Variants in FAM161B observed in about 807,000 individuals in gnomAD.
FAM161B encodes the protein protein FAM161B.
FAM161B carries 46 observed loss-of-function variants against 61.5 expected under a neutral mutation model. That is an observed-to-expected ratio of 0.75 (90% CI 0.59 to 0.96). The LOEUF (loss-of-function observed/expected upper bound fraction) is 0.96, where lower values mean the gene tolerates loss of function less well. Ranked by LOEUF, FAM161B falls within the 40% of genes least tolerant of loss-of-function variation. The pLI, the probability that FAM161B is intolerant of heterozygous loss-of-function variation, is 0.00. For synonymous variants in FAM161B, 284 were observed against 302.7 expected, an observed-to-expected ratio of 0.94 and a Z score of 0.64; for missense variants, 774 against 800.7, an observed-to-expected ratio of 0.97 and a Z score of 0.40.
intron 4 of FAM161B, among the ~76,000 whole-genome samples, 181 bp from the exon 5 acceptor site, chr14:73,941,234 C>T (rs533411635): frequency 2.6e-5 from 4 of 151,466 alleles, no homozygotes; most frequent in East Asian, 3.9e-4. Context: ...TCTCCTGCCT[C>T]AGCCTCCCAC....
At chr14:73,946,922 A>G (rs780080943) in intron 1 of FAM161B, among the ~76,000 whole-genome samples, 1 of 152,118 alleles carries the variant, frequency 6.6e-6, no homozygotes, top group Non-Finnish European at 1.5e-5. Context: ...AGAGTACCTC[A>G]CCTACACCAG....
chr14:73,948,063 T>A (rs2056081636), intron 1 of FAM161B, among the ~76,000 whole-genome samples: 1 of 152,126 alleles, frequency 6.6e-6, no homozygotes, highest in Non-Finnish European at 1.5e-5. Context: ...TAGCTGGGAC[T>A]ACAGCACACA....
Position 73,946,614 on chromosome 14 carries a change from G to A in FAM161B, c.55-9C>T. 1.9e-6 allele frequency: 3 copies of A among 1,609,274 alleles called. No individual in the cohort carries two copies. Among genetic ancestry groups the A allele is most frequent in the Non-Finnish European group, 2.5e-6 (3 of 1,176,722 alleles). ...GACTCGGGGGGAAATATCTAAAATA[G>A]AATAGAAATAGGCTGTGGGTCAAAC... On this transcript the variant is annotated splice_polypyrimidine_tract_variant and intron_variant, in intron 1 of 8. Transcript: ENST00000286544.
intron 2 of FAM161B, among the ~76,000 whole-genome samples, chr14:73,945,984 C>T (rs1482109859): frequency 4.6e-5 from 7 of 152,090 alleles, no homozygotes; most frequent in Non-Finnish European, 1.0e-4. Flanking sequence ...TCAAGTGATC[C>T]GCCTGCCTCA....
intron 8 of FAM161B, among the ~76,000 whole-genome samples, chr14:73,935,509 A>G (rs2055964151): frequency 6.6e-6 from 1 of 150,912 alleles, no homozygotes; most frequent in Non-Finnish European, 1.5e-5. Flanking sequence ...AGCCTGGGCA[A>G]CAGAGTGAGA....
In FAM161B at chr14:73,938,023, A is replaced by G; in HGVS notation, c.1490T>C (p.Val497Ala). The G allele has an allele frequency of 6.2e-7, 1 of 1,614,186 alleles. No individual in the cohort carries two copies. The highest frequency in any genetic ancestry group is 8.5e-7 in the Non-Finnish European group (1 of 1,180,016). Reference sequence around the variant, plus strand: ...ATCCATGGCTTTTGCACGCAAGGTCACAGATTTGGACATTGCTTGAGACTT... The same window carrying G: ...ATCCATGGCTTTTGCACGCAAGGTCGCAGATTTGGACATTGCTTGAGACTT... ...KKKSQAMSKS[V>A]TLRAKAMDPH... The change falls in exon 6 of 9, where the codon GTG (valine) becomes GCG (alanine). Residue 497 changes from valine to alanine, a missense_variant. Physicochemically the swap from Val to Ala is moderately conservative, Grantham distance 64 (BLOSUM62 0). Transcript: ENST00000286544.
At chr14:73,936,114 T>C (rs1171897581) in intron 7 of FAM161B, 26 bp from the exon 8 acceptor site, 2 of 1,581,144 alleles carry the variant, frequency 1.3e-6, no homozygotes, top group East Asian at 2.3e-5. Context: ...TAATCTGTTG[T>C]AGCTGTCTTA....
At chr14:73,930,876 C>T (rs1450971437), downstream of FAM161B, among the ~76,000 whole-genome samples, 4 of 152,204 alleles carry the variant, frequency 2.6e-5, no homozygotes, top group African/African-American at 9.6e-5. Context: ...GCTGGGATTA[C>T]AGATGTGAGC....
chr14:73,949,306 T>C (rs1000426250), intron 1 of FAM161B, among the ~76,000 whole-genome samples: 1 of 152,146 alleles, frequency 6.6e-6, no homozygotes, highest in Non-Finnish European at 1.5e-5. Flanking sequence ...GGTTTCTCCA[T>C]GTTGGTCAGG....
intron 7 of FAM161B, among the ~76,000 whole-genome samples, chr14:73,937,206 A>G (rs963277926): frequency 1.3e-5 from 2 of 152,208 alleles, no homozygotes; most frequent in African/African-American, 2.4e-5. Flanking sequence ...CCACAGCTCT[A>G]GAGGCTGGGG....
chr14:73,943,458 G>A (rs892121328), intron 3 of FAM161B, among the ~76,000 whole-genome samples: 1 of 152,064 alleles, frequency 6.6e-6, no homozygotes, highest in Non-Finnish European at 1.5e-5. Flanking sequence ...ACTCGCCAAC[G>A]TGGCTTGCAA....
rs1237898133 is a variant in FAM161B at position 73,942,453 on chromosome 14, A to G, written c.1188T>C (p.Thr396=). 10 of 1,614,172 alleles carry G rather than the reference A, an allele frequency of 6.2e-6. No homozygotes were observed. Among genetic ancestry groups the G allele is most frequent in the Non-Finnish European group, 6.8e-6 (8 of 1,180,032 alleles). ...AAKRRETQEA[T]RNKPFLLRTA... ...TCCTCAGCAAGAAGGGCTTGTTGCGAGTGGCCTCTTGGGTTTCTCTTCTTT... is the reference window on the plus strand; with the variant it reads ...TCCTCAGCAAGAAGGGCTTGTTGCGGGTGGCCTCTTGGGTTTCTCTTCTTT... Residue 396 remains threonine, a synonymous_variant, in exon 4 of 9, where the codon ACT becomes ACC. Transcript: ENST00000286544.
chr14:73,932,053 T>A (rs914038161), downstream of FAM161B: 16 of 455,854 alleles, frequency 3.5e-5, no homozygotes, highest in Non-Finnish European at 5.7e-5. Flanking sequence ...AGTAAGAGAC[T>A]CTCTGCCACT....
Position 73,944,477 on chromosome 14 carries a change from G to A in FAM161B, c.783C>T (p.Phe261=), listed in dbSNP as rs747309824. 1.9e-6 allele frequency: 3 copies of A among 1,613,806 alleles called. No homozygotes were observed. The stretch of plus-strand genomic sequence containing the variant: ...CCTTTAGCTGCTCCTCCTTCTCCAG[G>A]AAGCTGAAGGGCTTCAAAGAAGAGA... ...LLLSSLKPFS[F]LEKEEQLKEA... Residue 261 remains phenylalanine (F), a synonymous_variant, in exon 3 of 9, where the codon TTC becomes TTT. Transcript: ENST00000286544.
At chr14:73,924,050 G>A in the FAM161B span, among the ~76,000 whole-genome samples, 1 of 152,120 alleles carries the variant, frequency 6.6e-6, no homozygotes, top group Admixed American at 6.6e-5. Context: ...ATTCTGCTAT[G>A]GTCATATGTC....
At chr14:73,925,393 C>T in the FAM161B span, among the ~76,000 whole-genome samples, 2 of 151,296 alleles carry the variant, frequency 1.3e-5, no homozygotes, top group Non-Finnish European at 2.9e-5. Flanking sequence ...GTCGAAGTTA[C>T]GGCTGAGAGC....
chr14:73,935,867 C>G, intron 8 of FAM161B, 82 bp downstream of exon 8: 1 of 1,429,648 alleles, frequency 7.0e-7, no homozygotes, highest in Non-Finnish European at 9.4e-7. Context: ...ATACCAGTGG[C>G]TATTCTAAAG....
downstream of FAM161B, among the ~76,000 whole-genome samples, chr14:73,929,807 A>G (rs2055884746): frequency 6.6e-6 from 1 of 150,716 alleles, no homozygotes; most frequent in African/African-American, 2.5e-5. Flanking sequence ...ACAGAGCCAA[A>G]CTCTTTAAAA....
Position 73,944,687 on chromosome 14 carries a change from T to C in FAM161B, c.573A>G (p.Ser191=). The change falls in exon 3 of 9, where the codon TCA becomes TCG. Residue 191 remains serine, a synonymous_variant. Transcript: ENST00000286544. ...GCCTCTCCTGCTCAAAGGAGGCAGG[T>C]GAGCCCAGCCACTCGGCCTTCTTCC... ...EARKKAEWLG[S]PASFEQERQR... is the part of the protein sequence containing the mutation. 2 of 1,609,208 alleles carry C rather than the reference T, an allele frequency of 1.2e-6. No homozygotes were observed. Among genetic ancestry groups the C allele is most frequent in the Non-Finnish European group, 1.7e-6 (2 of 1,176,300 alleles).
Sources: gnomAD v4.1 joint callset for allele counts (sites outside exome capture counted in the v4.1 genomes callset) on GRCh38, gnomAD v4.1.1 for gene constraint, MANE v1.5 for transcripts, NCBI Gene and HGNC (gene_info 2026-07-23, HGNC 2026-07-21) for gene names.